Variants in HFE observed in about 807,000 individuals in gnomAD.
The protein encoded by HFE is homeostatic iron regulator, also known as hereditary hemochromatosis protein.
A neutral mutation model predicts 40.9 loss-of-function variants in HFE; 36 were observed. That is an observed-to-expected ratio of 0.88 (90% CI 0.67 to 1.16). The LOEUF is 1.16. Among genes scored for constraint, HFE ranks in the 50% most tolerant of loss-of-function variants. The pLI, the probability that HFE is intolerant of heterozygous loss-of-function variation, is 0.00. For missense variants in HFE, 376 were observed against 432.0 expected, an observed-to-expected ratio of 0.87 and a Z score of 1.15; for synonymous variants, 157 against 165.4, an observed-to-expected ratio of 0.95 and a Z score of 0.39.
In HFE at chr6:26,095,237, C is replaced by CCCAGCA. The variant is rs1390370471; in HGVS notation, c.*1013_*1018dup. On this transcript the variant is annotated 3_prime_UTR_variant, in exon 6 of 6. Coordinates refer to ENST00000357618, the MANE Select transcript of HFE (RefSeq NM_000410.4). ...GGGCACGGTGGCTCACGCCTGTAATCCCAGCACTTTGGGAGGCCAAAGCGG... is the reference window on the plus strand; with the variant it reads ...GGGCACGGTGGCTCACGCCTGTAATCCCAGCACCAGCACTTTGGGAGGCCAAAGCGG... 1 of 152,236 alleles carries CCCAGCA rather than the reference C, an allele frequency of 6.6e-6. No individual in the cohort carries two copies. The highest frequency in any genetic ancestry group is 1.5e-5 in the Non-Finnish European group (1 of 68,084). The allele number at this position is 152,236 out of a possible 1,614,324, so 9.4% of individuals were successfully genotyped here. A position where few individuals can be genotyped will look rare whatever the true frequency, so the allele number is the denominator to read the frequency against.
intron 3 of HFE, 67 bp downstream of exon 3, chr6:26,091,656 A>T: frequency 2.6e-6 from 4 of 1,559,486 alleles, no homozygotes; most frequent in Non-Finnish European, 3.5e-6. Flanking sequence ...CAGGGCACGG[A>T]ATCCCTGGTT....
At chr6:26,092,305 A>G (rs1249131838) in intron 3 of HFE, among the ~76,000 whole-genome samples, 2 of 151,932 alleles carry the variant, frequency 1.3e-5, no homozygotes, top group South Asian at 2.1e-4. Context: ...TTCATAGAAC[A>G]TAGCAATAAT....
Position 26,090,837 on chromosome 6 carries a change from C to G in HFE, c.77-4C>G. On this transcript the variant is annotated splice_region_variant and splice_polypyrimidine_tract_variant and intron_variant, in intron 1 of 5. Transcript: ENST00000357618. ...ATGGTTAAGGCCTGTTGCTCTGTCT[C>G]CAGGTTCACACTCTCTGCACTACCT... is the stretch of plus-strand genomic sequence containing the variant. The G allele has an allele frequency of 6.2e-7, 1 of 1,613,474 alleles. No individual in the cohort carries two copies. The highest frequency in any genetic ancestry group is 1.1e-5 in the South Asian group (1 of 91,006).
rs1434225215 is a variant in HFE, at chr6:26,095,433, G to C, written c.*1207G>C. On this transcript the variant is annotated 3_prime_UTR_variant, in exon 6 of 6. Coordinates refer to ENST00000357618, the MANE Select transcript of HFE (RefSeq NM_000410.4). Reference sequence around the variant, plus strand: ...GAACCCAGGAGGCAGAGCTTGCAGTGAGCCGAGTTTGCGCCACTGCACTCC... The same window carrying C: ...GAACCCAGGAGGCAGAGCTTGCAGTCAGCCGAGTTTGCGCCACTGCACTCC... 6.6e-6 allele frequency: 1 copy of C among 151,830 alleles called. No individual in the cohort carries two copies. Among genetic ancestry groups the C allele is most frequent in the African/African-American group, 2.4e-5 (1 of 41,296 alleles). 9.4% of individuals were successfully genotyped at this position (151,830 alleles called of 1,614,324 possible). A position where few individuals can be genotyped will look rare whatever the true frequency, so the allele number is the denominator to read the frequency against.
At chr6:26,089,946 G>C (rs1264079662) in intron 1 of HFE, among the ~76,000 whole-genome samples, 2 of 152,140 alleles carry the variant, frequency 1.3e-5, no homozygotes, top group Non-Finnish European at 2.9e-5. Context: ...CCCTGAAAAA[G>C]AGAAGAGTTA....
At chr6:26,089,595 C>G (rs777891192) in intron 1 of HFE, among the ~76,000 whole-genome samples, 10 of 152,010 alleles carry the variant, frequency 6.6e-5, no homozygotes, top group Non-Finnish European at 1.2e-4. Flanking sequence ...ACCATTGTCT[C>G]CTGAATATAT....
rs1215792666 is a variant in HFE, at chr6:26,096,614, C to G, written c.*2388C>G. 1 of 454,006 alleles carries G rather than the reference C, an allele frequency of 2.2e-6. No individual in the cohort carries two copies. The highest frequency in any genetic ancestry group is 4.4e-6 in the Non-Finnish European group (1 of 226,378). The allele number at this position is 454,006 out of a possible 1,614,324, so 28.1% of individuals were successfully genotyped here. A position where few individuals can be genotyped will look rare whatever the true frequency, so the allele number is the denominator to read the frequency against. ...AAATTTTAGCAAAGATATCTCATCT[C>G]TTCTTTTAAACCATTTTCTTTTTTT... On this transcript the variant is annotated 3_prime_UTR_variant, in exon 6 of 6. Coordinates refer to ENST00000357618, the MANE Select transcript of HFE (RefSeq NM_000410.4).
intron 3 of HFE, 136 bp downstream of exon 3, chr6:26,091,725 C>G: frequency 1.2e-6 from 1 of 850,290 alleles, no homozygotes; most frequent in East Asian, 2.7e-5. Flanking sequence ...GGGACTTTCT[C>G]AATCCTAGAG....
chr6:26,092,848 G>A lies in HFE; in HGVS notation c.780G>A (p.Gly260=), dbSNP rs1287023718. The change falls in exon 4 of 6, where the codon GGG becomes GGA. Residue 260 remains glycine, a synonymous_variant. Coordinates refer to ENST00000357618, the MANE Select transcript of HFE (RefSeq NM_000410.4). ...AACCTAAAGACGTATTGCCCAATGG[G>A]GATGGGACCTACCAGGGCTGGATAA... ...EFEPKDVLPN[G]DGTYQGWITL... 16 of 1,614,066 alleles carry A rather than the reference G, an allele frequency of 9.9e-6. No homozygotes were observed. Among genetic ancestry groups the A allele is most frequent in the Non-Finnish European group, 1.3e-5 (15 of 1,180,048 alleles).
rs56267433 is a variant in HFE at position 26,090,442 on chromosome 6, C to CAAAAAAAAAAA, written c.77-380_77-370dup. Among the ~76,000 whole-genome samples the CAAAAAAAAAAA allele has an allele frequency of 3.5e-4, 13 of 36,724 alleles. 3 individuals carry two copies. Among genetic ancestry groups the CAAAAAAAAAAA allele is most frequent in the Non-Finnish European group, 5.6e-4 (12 of 21,388 alleles). The allele number at this position is 36,724 out of a possible 152,430, so 24.1% of individuals were successfully genotyped here. On this transcript the variant is annotated intron_variant, in intron 1 of 5. Transcript: ENST00000357618. ...TGGGTGATAGAGTGAGACTCTGTCT[C>CAAAAAAAAAAA]AAAAAAAAAAAAAAAAAAAAAAAAA...
chr6:26,093,713 C>T (rs868022732), intron 5 of HFE, among the ~76,000 whole-genome samples: 28 of 152,070 alleles, frequency 1.8e-4, no homozygotes, highest in Admixed American at 1.1e-3. Context: ...GAGGTCTACA[C>T]AGACGGAGCA....
intron 1 of HFE, among the ~76,000 whole-genome samples, chr6:26,090,203 G>A (rs1762579636): frequency 2.6e-5 from 4 of 152,072 alleles, no homozygotes; most frequent in Admixed American, 2.6e-4. Flanking sequence ...CAGCACTTTG[G>A]TGGCTGAGGC....
In HFE at chr6:26,090,835, C is replaced by T; in HGVS notation, c.77-6C>T. On this transcript the variant is annotated splice_region_variant and splice_polypyrimidine_tract_variant and intron_variant, in intron 1 of 5. Coordinates refer to ENST00000357618, the MANE Select transcript of HFE (RefSeq NM_000410.4). Reference sequence around the variant, plus strand: ...ACATGGTTAAGGCCTGTTGCTCTGTCTCCAGGTTCACACTCTCTGCACTAC... The same window carrying T: ...ACATGGTTAAGGCCTGTTGCTCTGTTTCCAGGTTCACACTCTCTGCACTAC... 1 of 1,613,424 alleles carries T rather than the reference C, an allele frequency of 6.2e-7. No individual in the cohort carries two copies. The highest frequency in any genetic ancestry group is 8.5e-7 in the Non-Finnish European group (1 of 1,179,988).
rs1009989890 is a variant in HFE at position 26,097,924 on chromosome 6, T to C, written c.*3698T>C. The C allele has an allele frequency of 2.0e-5, 3 of 152,230 alleles. No homozygotes were observed. Among genetic ancestry groups the C allele is most frequent in the Non-Finnish European group, 4.4e-5 (3 of 68,038 alleles). 9.4% of individuals were successfully genotyped at this position (152,230 alleles called of 1,614,324 possible). On this transcript the variant is annotated 3_prime_UTR_variant, in exon 6 of 6. Transcript: ENST00000357618. ...ATAAACTCAGTTTTAAACTAACTTTTTTTCAAACCACAATCTGATTTAACA... is the reference window on the plus strand; with the variant it reads ...ATAAACTCAGTTTTAAACTAACTTTCTTTCAAACCACAATCTGATTTAACA...
In HFE at chr6:26,096,900, A is replaced by C; in HGVS notation, c.*2674A>C. ...TTAATCGCTTTGTCATTTTGGAGAC[A>C]TTTATTTTGCTTCTAATTTCTTTAC... On this transcript the variant is annotated 3_prime_UTR_variant, in exon 6 of 6. Transcript: ENST00000357618. 1 of 213,434 alleles carries C rather than the reference A, an allele frequency of 4.7e-6. No individual in the cohort carries two copies. The highest frequency in any genetic ancestry group is 9.5e-6 in the Non-Finnish European group (1 of 105,042). The allele number at this position is 213,434 out of a possible 1,614,324, so 13.2% of individuals were successfully genotyped here. A position where few individuals can be genotyped will look rare whatever the true frequency, so the allele number is the denominator to read the frequency against.
rs1762642796 is a variant in HFE at position 26,090,826 on chromosome 6, TTG to T, written c.77-14_77-13del. 1 of 1,613,094 alleles carries T rather than the reference TTG, an allele frequency of 6.2e-7. No individual in the cohort carries two copies. The highest frequency in any genetic ancestry group is 1.3e-5 in the African/African-American group (1 of 75,012). On this transcript the variant is annotated splice_polypyrimidine_tract_variant and intron_variant, in intron 1 of 5. Transcript: ENST00000357618. Reference sequence around the variant, plus strand: ...TCCTACTACACATGGTTAAGGCCTGTTGCTCTGTCTCCAGGTTCACACTCTCT... The same window carrying T: ...TCCTACTACACATGGTTAAGGCCTGTCTCTGTCTCCAGGTTCACACTCTCT...
Position 26,092,765 on chromosome 6 carries a change from C to T in HFE, c.697C>T (p.Gln233Ter), listed in dbSNP as rs763506636. 1 of 1,614,208 alleles carries T rather than the reference C, an allele frequency of 6.2e-7. No homozygotes were observed. Among genetic ancestry groups the T allele is most frequent in the Non-Finnish European group, 8.5e-7 (1 of 1,180,038 alleles). ...GTGTCGGGCCTTGAACTACTACCCC[C>T]AGAACATCACCATGAAGTGGCTGAA... ...LRCRALNYYP[Q>*]NITMKWLKDK... Residue 233 changes from glutamine (Q) to a stop codon, truncating the protein, a stop_gained, in exon 4 of 6, where the codon CAG becomes TAG. Coordinates refer to ENST00000357618, the MANE Select transcript of HFE (RefSeq NM_000410.4). LOFTEE classifies it high-confidence loss of function.
At chr6:26,092,008 C>G (rs540583063) in intron 3 of HFE, among the ~76,000 whole-genome samples, 2 of 151,610 alleles carry the variant, frequency 1.3e-5, no homozygotes, top group Non-Finnish European at 2.9e-5. Context: ...AAACCCGTCT[C>G]TAAAAAAATA....
In HFE at chr6:26,094,709, C is replaced by T; in HGVS notation, c.*483C>T. On this transcript the variant is annotated 3_prime_UTR_variant, in exon 6 of 6. Transcript: ENST00000357618. ...CCGTTCAACTTTTCCTTTGAATCCT[C>T]TCTCTGTGTTACCCAGTAACTCATC... The T allele has an allele frequency of 2.0e-6, 1 of 497,150 alleles. No homozygotes were observed. The highest frequency in any genetic ancestry group is 3.6e-6 in the Non-Finnish European group (1 of 274,264). 30.8% of individuals were successfully genotyped at this position (497,150 alleles called of 1,614,324 possible).
Sources: allele counts gnomAD v4.1 joint callset (sites outside exome capture counted in the v4.1 genomes callset), GRCh38; gene constraint gnomAD v4.1.1; transcripts MANE v1.5; gene names NCBI Gene and HGNC (gene_info 2026-07-23, HGNC 2026-07-21).